The following RNF217 variants were observed in gnomAD, a reference collection of about 807,000 sequenced individuals.
RNF217 encodes the protein ring finger protein 217.
In RNF217, 31 loss-of-function variants were observed where a neutral mutation model predicts 57.8. That is an observed-to-expected ratio of 0.54 (90% CI 0.40 to 0.72). The LOEUF is 0.72. Ranked by LOEUF, RNF217 falls within the 30% of genes least tolerant of loss-of-function variation. The probability of loss-of-function intolerance (pLI) is 0.00; values close to 1 mark genes in which losing one functional copy is unlikely to be tolerated. For missense variants in RNF217, 696 were observed against 708.3 expected, an observed-to-expected ratio of 0.98 and a Z score of 0.20; for synonymous variants, 313 against 294.0, an observed-to-expected ratio of 1.06 and a Z score of -0.66.
intron 1 of RNF217, among the ~76,000 whole-genome samples, chr6:124,972,296 G>C (rs1229911360): frequency 6.6e-6 from 1 of 151,932 alleles, no homozygotes; most frequent in Non-Finnish European, 1.5e-5. Flanking sequence ...TTCTATTTCT[G>C]CTGTCATTTC....
chr6:124,973,296 A>C (rs1375593052), intron 1 of RNF217, among the ~76,000 whole-genome samples: 1 of 152,146 alleles, frequency 6.6e-6, no homozygotes, highest in Non-Finnish European at 1.5e-5. Flanking sequence ...TCTCATGGTT[A>C]ATTTCGCTTC....
At chr6:125,030,816 C>G (rs1255641066) in intron 1 of RNF217, among the ~76,000 whole-genome samples, 4 of 152,154 alleles carry the variant, frequency 2.6e-5, no homozygotes, top group Non-Finnish European at 1.5e-5. Context: ...GACAGTGGCC[C>G]TCTTCTTGCA....
chr6:125,005,674 A>G (rs2114314996), intron 1 of RNF217, among the ~76,000 whole-genome samples: 1 of 152,368 alleles, frequency 6.6e-6, no homozygotes, highest in East Asian at 1.9e-4. Context: ...TCTTTAAGAT[A>G]TAATGCTAGA....
intron 1 of RNF217, among the ~76,000 whole-genome samples, chr6:125,001,713 T>A (rs186163898): frequency 3.0e-4 from 45 of 152,350 alleles, no homozygotes; most frequent in Admixed American, 5.2e-4. Context: ...GATTTCTCCC[T>A]TGTGTGATAG....
At chr6:124,976,989 G>A (rs779300814) in intron 1 of RNF217, among the ~76,000 whole-genome samples, 4 of 152,074 alleles carry the variant, frequency 2.6e-5, no homozygotes, top group African/African-American at 4.8e-5. Context: ...TACTTTGCTC[G>A]TTTTTTTGTT....
intron 1 of RNF217, among the ~76,000 whole-genome samples, chr6:125,041,608 G>C (rs1786883216): frequency 6.6e-6 from 1 of 152,034 alleles, no homozygotes; most frequent in East Asian, 1.9e-4. Context: ...CAATGTTCTT[G>C]TTTCCTTTGT....
rs1787595914 is a variant in RNF217 at position 125,058,192 on chromosome 6, CTG to C, written c.1281+88_1281+89del. The C allele has an allele frequency of 2.5e-6, 3 of 1,186,844 alleles. No individual in the cohort carries two copies. The East Asian group carries it at 8.0e-5, about 32-fold the overall frequency. 73.5% of individuals were successfully genotyped at this position (1,186,844 alleles called of 1,614,324 possible). On this transcript the variant is annotated intron_variant, in intron 3 of 5. Transcript: ENST00000521654. ...TTTACATTATTGAAGGGAATTATAA[CTG>C]TCTTAATGCAGGTATGTGGAAAAAG...
intron 3 of RNF217, among the ~76,000 whole-genome samples, chr6:125,066,550 T>C (rs892335263): frequency 4.6e-5 from 7 of 152,130 alleles, no homozygotes; most frequent in Non-Finnish European, 1.0e-4. Flanking sequence ...TCTCACTTCT[T>C]ACATGTTTTT....
At chr6:124,964,324 T>G (rs1214576923) in intron 1 of RNF217, among the ~76,000 whole-genome samples, 2 of 152,204 alleles carry the variant, frequency 1.3e-5, no homozygotes, top group African/African-American at 4.8e-5. Context: ...TGTGAAGCGT[T>G]GCCTCACCCT....
chr6:125,036,463 A>G (rs1312836402), intron 1 of RNF217, among the ~76,000 whole-genome samples: 2 of 152,144 alleles, frequency 1.3e-5, no homozygotes, highest in South Asian at 2.1e-4. Context: ...TTCTGGGTCA[A>G]ATGGTATTCC....
At chr6:125,080,892 T>C (rs2114654458) in intron 4 of RNF217, among the ~76,000 whole-genome samples, 1 of 152,216 alleles carries the variant, frequency 6.6e-6, no homozygotes, top group South Asian at 2.1e-4. Context: ...TTCTCTAACA[T>C]CTTGAAACGT....
intron 1 of RNF217, among the ~76,000 whole-genome samples, chr6:125,011,498 C>T (rs2114357307): frequency 6.6e-6 from 1 of 152,266 alleles, no homozygotes; most frequent in African/African-American, 2.4e-5. Flanking sequence ...TTGTTCATCT[C>T]ACCTCATGAT....
intron 1 of RNF217, among the ~76,000 whole-genome samples, chr6:125,026,410 C>G (rs1786082149): frequency 6.6e-6 from 1 of 152,116 alleles, no homozygotes; most frequent in African/African-American, 2.4e-5. Context: ...TAGTGCCTGG[C>G]ACATACTAAA....
At chr6:124,998,556 T>C (rs887175411) in intron 1 of RNF217, among the ~76,000 whole-genome samples, 5 of 152,184 alleles carry the variant, frequency 3.3e-5, no homozygotes, top group Non-Finnish European at 4.4e-5. Context: ...TCGCAACACT[T>C]TGGGAGGCCA....
At chr6:124,986,455 CT>C (rs1399344099) in intron 1 of RNF217, among the ~76,000 whole-genome samples, 1 of 152,240 alleles carries the variant, frequency 6.6e-6, no homozygotes, top group Non-Finnish European at 1.5e-5. Flanking sequence ...TGGCTTCCAT[CT>C]GATCCCTTCC....
chr6:124,976,220 G>A (rs1243090372), intron 1 of RNF217, among the ~76,000 whole-genome samples: 1 of 152,000 alleles, frequency 6.6e-6, no homozygotes, highest in Admixed American at 6.6e-5. Context: ...TTAAGTTCAT[G>A]TATTACCGGC....
chr6:125,013,388 T>C (rs981312344), intron 1 of RNF217, among the ~76,000 whole-genome samples: 7 of 139,824 alleles, frequency 5.0e-5, no homozygotes, highest in East Asian at 4.3e-4. Context: ...TGTGTGTGTG[T>C]GCTGTTTTTG....
At chr6:125,052,380 A>T (rs1787360454) in intron 2 of RNF217, among the ~76,000 whole-genome samples, 1 of 150,644 alleles carries the variant, frequency 6.6e-6, no homozygotes, top group African/African-American at 2.5e-5. Context: ...CTCAGCCTTT[A>T]GGAAAGTTTC....
intron 4 of RNF217, among the ~76,000 whole-genome samples, chr6:125,079,081 C>G (rs1184446837): frequency 2.0e-5 from 3 of 152,140 alleles, no homozygotes; most frequent in Non-Finnish European, 4.4e-5. Context: ...GCCTTCATCT[C>G]TCTCACAGCT....
Sources: allele counts gnomAD v4.1 joint callset (sites outside exome capture counted in the v4.1 genomes callset), GRCh38; gene constraint gnomAD v4.1.1; transcripts MANE v1.5; gene names NCBI Gene and HGNC (gene_info 2026-07-23, HGNC 2026-07-21).